The following ATP6AP1 variants were observed in gnomAD, a reference collection of about 807,000 sequenced individuals.
ATP6AP1 encodes the protein ATPase H+ transporting accessory protein 1.
A neutral mutation model predicts 32.0 loss-of-function variants in ATP6AP1; 1 was observed. The observed-to-expected ratio is 0.03, with a 90% CI of 0.01 to 0.15. The LOEUF (loss-of-function observed/expected upper bound fraction) is 0.15. Ranked by LOEUF, ATP6AP1 falls within the 10% of genes least tolerant of loss-of-function variation. The pLI is 1.00. For missense variants in ATP6AP1, 297 were observed against 398.8 expected, an observed-to-expected ratio of 0.74 and a Z score of 2.17; for synonymous variants, 187 against 174.9, an observed-to-expected ratio of 1.07 and a Z score of -0.55.
intron 7 of ATP6AP1, among the ~76,000 whole-genome samples, chrX:154,434,890 G>A (rs980509372): frequency 1.4e-4 from 16 of 111,633 alleles, no homozygotes. Context: ...GTGAGCTCAG[G>A]GGAACCAGAG....
rs1557196217 is a variant in ATP6AP1 at position 154,428,713 on chromosome X, G to A, written c.21G>A (p.Thr7=). ...AGGCTATGATGGCGGCCATGGCGAC[G>A]GCTCGAGTGCGGATGGGGCCGCGGT... MMAAMA[T]ARVRMGPRCA... is the part of the protein sequence containing the mutation. Residue 7 remains threonine, a synonymous_variant, in exon 1 of 10, where the codon ACG becomes ACA. Coordinates refer to ENST00000369762, the MANE Select transcript of ATP6AP1 (RefSeq NM_001183.6). 2 of 1,150,084 alleles carry A rather than the reference G, an allele frequency of 1.7e-6. No homozygotes were observed. The highest frequency in any genetic ancestry group is 3.8e-5 in the South Asian group (2 of 52,222). 94.8% of individuals were successfully genotyped at this position (1,150,084 alleles called of 1,213,427 possible).
chrX:154,431,691 G>A lies in ATP6AP1; in HGVS notation c.289-139G>A, dbSNP rs1253553393. ...CCCACCCCACCCCCACCAACACACAGTTGTGCTCCACCATACTGAACCTGA... is the reference window on the plus strand; with the variant it reads ...CCCACCCCACCCCCACCAACACACAATTGTGCTCCACCATACTGAACCTGA... On this transcript the variant is annotated intron_variant, in intron 2 of 9. Coordinates refer to ENST00000369762, the MANE Select transcript of ATP6AP1 (RefSeq NM_001183.6). 1.3e-5 allele frequency: 7 copies of A among 531,787 alleles called. No homozygotes were observed. The Admixed American group carries it at 1.3e-4, about 10-fold the overall frequency. 43.8% of individuals were successfully genotyped at this position (531,787 alleles called of 1,213,427 possible).
chrX:154,429,182 C>T lies in ATP6AP1; in HGVS notation c.288+8C>T, dbSNP rs1557196379. 1.2e-5 allele frequency: 15 copies of T among 1,210,012 alleles called. No homozygotes were observed. Among genetic ancestry groups the T allele is most frequent in the Admixed American group, 1.1e-4 (5 of 45,933 alleles). On this transcript the variant is annotated splice_region_variant and intron_variant, in intron 2 of 9. Transcript: ENST00000369762. ...CTGTTCCTGCAGGACAAGGTGCGCC[C>T]GCCCCAGCCCACTCTCCCCCGGTCA... is the stretch of plus-strand genomic sequence containing the variant.
At chrX:154,431,259 A>G (rs1557196720) in intron 2 of ATP6AP1, 1 of 113,855 alleles carries the variant, frequency 8.8e-6, no homozygotes, top group African/African-American at 3.3e-5. Flanking sequence ...GCAAAAGGAC[A>G]AAGGACATCT....
rs138927310 is a variant in ATP6AP1, at chrX:154,435,142, C to T, written c.927C>T (p.Leu309=). 166 of 1,207,546 alleles carry T rather than the reference C, an allele frequency of 1.4e-4. No homozygotes were observed. In the African/African-American group the frequency reaches 2.7e-3, roughly 20 times the overall value. The change falls in exon 8 of 10, where the codon CTC becomes CTT. Residue 309 remains leucine, a synonymous_variant. Coordinates refer to ENST00000369762, the MANE Select transcript of ATP6AP1 (RefSeq NM_001183.6). ...GSFWNDSFAR[L]SLTYERLFGT... is the part of the protein sequence containing the mutation. ...GCCTCTTTCTCTGGCCCCACAGGCT[C>T]TCACTGACCTATGAACGACTCTTTG...
chrX:154,429,016 C>T, intron 1 of ATP6AP1, 32 bp from the exon 2 acceptor site: 1 of 1,204,465 alleles, frequency 8.3e-7, no homozygotes, highest in Non-Finnish European at 1.1e-6. Context: ...CATGCGCCCC[C>T]GTCTGACAGC....
chrX:154,431,708 T>A, intron 2 of ATP6AP1, 122 bp from the exon 3 acceptor site: 63 of 580,798 alleles, frequency 1.1e-4, no homozygotes, highest in African/African-American at 2.7e-4. Context: ...TCCACCATAC[T>A]GAACCTGACT....
At chrX:154,430,000 C>T (rs897298679) in intron 2 of ATP6AP1, 2 of 112,298 alleles carry the variant, frequency 1.8e-5, no homozygotes, top group African/African-American at 6.5e-5. Context: ...CCTAGTTCTA[C>T]CATGTAACCA....
At chrX:154,431,759 G>A (rs2068694680) in intron 2 of ATP6AP1, 71 bp from the exon 3 acceptor site, 3 of 1,058,877 alleles carry the variant, frequency 2.8e-6, no homozygotes, top group Non-Finnish European at 3.9e-6. Flanking sequence ...CACGGGGAAG[G>A]TGGCTGTCCC....
At chrX:154,431,191 C>T (rs1466127432) in intron 2 of ATP6AP1, 1 of 112,284 alleles carries the variant, frequency 8.9e-6, no homozygotes, top group Non-Finnish European at 1.9e-5. Flanking sequence ...ATTAAAATCT[C>T]CTCAGGGCCT....
intron 2 of ATP6AP1, chrX:154,430,469 C>T (rs1182953343): frequency 3.6e-5 from 4 of 111,714 alleles, no homozygotes; most frequent in Non-Finnish European, 7.5e-5. Flanking sequence ...CAGGATCCCC[C>T]AGTCTTAGGG....
At chrX:154,434,498 C>CA in intron 7 of ATP6AP1, 52 bp downstream of exon 7, 1 of 1,129,630 alleles carries the variant, frequency 8.9e-7, no homozygotes, top group Non-Finnish European at 1.2e-6. Flanking sequence ...ACCTTCCCAT[C>CA]ACTGTGGGTC....
At chrX:154,435,637 G>C (rs2068715325) in intron 9 of ATP6AP1, 45 bp from the exon 10 acceptor site, 2 of 1,195,825 alleles carry the variant, frequency 1.7e-6, no homozygotes, top group South Asian at 1.8e-5. Context: ...GTTCTTGCTG[G>C]GCCTCCCAAC....
chrX:154,433,750 G>T, intron 6 of ATP6AP1, 30 bp downstream of exon 6: 1 of 1,188,291 alleles, frequency 8.4e-7, no homozygotes, highest in Non-Finnish European at 1.1e-6. Flanking sequence ...GGGCTCTGGG[G>T]CGTGCAGGGA....
Position 154,435,665 on chromosome X carries a change from G to A in ATP6AP1, c.1204-17G>A. On this transcript the variant is annotated splice_polypyrimidine_tract_variant and intron_variant, in intron 9 of 9. Transcript: ENST00000369762. ...CTCCCAACGGTCCTTTCTGACCCGT[G>A]TCTGTGTGTCTGCCAGATCCAGGCT... 8.3e-7 allele frequency: 1 copy of A among 1,209,896 alleles called. No homozygotes were observed. Among genetic ancestry groups the A allele is most frequent in the Non-Finnish European group, 1.1e-6 (1 of 893,890 alleles).
intron 6 of ATP6AP1, among the ~76,000 whole-genome samples, 171 bp downstream of exon 6, chrX:154,433,891 G>A (rs2068706475): frequency 9.0e-6 from 1 of 111,635 alleles, no homozygotes; most frequent in Non-Finnish European, 1.9e-5. Context: ...GCTGACTCTG[G>A]GGGCAGGGCT....
At chrX:154,429,005 A>C in intron 1 of ATP6AP1, 43 bp from the exon 2 acceptor site, 3 of 1,200,811 alleles carry the variant, frequency 2.5e-6, no homozygotes, top group Non-Finnish European at 3.4e-6. Context: ...GCTCCAGTCC[A>C]CATGCGCCCC....
At chrX:154,433,848 C>A in intron 6 of ATP6AP1, 128 bp downstream of exon 6, 1 of 683,408 alleles carries the variant, frequency 1.5e-6, no homozygotes, top group Non-Finnish European at 2.2e-6. Flanking sequence ...AAGCATGAGG[C>A]ACAGAACCCC....
rs1392547764 is a variant in ATP6AP1 at position 154,436,059 on chromosome X, CT to C, written c.*169del. 1 of 488,900 alleles carries C rather than the reference CT, an allele frequency of 2.0e-6. No individual in the cohort carries two copies. The highest frequency in any genetic ancestry group is 3.4e-6 in the Non-Finnish European group (1 of 292,684). The allele number at this position is 488,900 out of a possible 1,213,427, so 40.3% of individuals were successfully genotyped here. On this transcript the variant is annotated 3_prime_UTR_variant, in exon 10 of 10. Coordinates refer to ENST00000369762, the MANE Select transcript of ATP6AP1 (RefSeq NM_001183.6). ...CAGCCCGCTGAGGAGCTTTCTTGGG[CT>C]GCCCCCATCTCTCCCAACAAGGTGT...
Sources: gnomAD v4.1 joint callset for allele counts (sites outside exome capture counted in the v4.1 genomes callset) on GRCh38, gnomAD v4.1.1 for gene constraint, MANE v1.5 for transcripts, NCBI Gene and HGNC (gene_info 2026-07-23, HGNC 2026-07-21) for gene names.